Variants in LRRC8C observed in about 807,000 individuals in gnomAD.
LRRC8C encodes volume-regulated anion channel subunit LRRC8C.
Under a neutral mutation model 55.3 loss-of-function variants are expected in LRRC8C, and 20 were observed. That is an observed-to-expected ratio of 0.36 (90% confidence interval 0.25 to 0.53). LRRC8C has a LOEUF of 0.53. Among genes scored for constraint, LRRC8C ranks in the 20% least tolerant of loss-of-function variants. The probability of loss-of-function intolerance (pLI) is 0.92; values close to 1 mark genes in which losing one functional copy is unlikely to be tolerated. For missense variants in LRRC8C, 659 were observed against 951.4 expected, an observed-to-expected ratio of 0.69 and a Z score of 4.04; for synonymous variants, 376 against 360.7, an observed-to-expected ratio of 1.04 and a Z score of -0.48.
In LRRC8C at chr1:89,644,364, C is replaced by T. The variant is rs569618996; in HGVS notation, c.-5+11042C>T. ...TAATGTTTTGTATATTTAGTAGAGA[C>T]AGGGTTTTACCATGTTGCCTACACT... is the stretch of plus-strand genomic sequence containing the variant. On this transcript the variant is annotated intron_variant, in intron 1 of 2. Transcript: ENST00000370454. 7.9e-4 allele frequency among the ~76,000 whole-genome samples: 121 copies of T among 152,260 alleles called. 1 individual carries two copies. Among genetic ancestry groups the T allele is most frequent in the African/African-American group, 2.6e-3 (109 of 41,570 alleles).
chr1:89,707,216 G>A (rs892228644), intron 2 of LRRC8C, among the ~76,000 whole-genome samples: 1 of 151,950 alleles, frequency 6.6e-6, no homozygotes, highest in African/African-American at 2.4e-5. Flanking sequence ...AGACCAGCCT[G>A]GCCAATATAG....
chr1:89,645,160 G>T (rs1656576507), intron 1 of LRRC8C, among the ~76,000 whole-genome samples: 1 of 152,044 alleles, frequency 6.6e-6, no homozygotes, highest in Non-Finnish European at 1.5e-5. Flanking sequence ...TAGTCATAAT[G>T]AATTAACAGA....
intron 1 of LRRC8C, among the ~76,000 whole-genome samples, chr1:89,659,048 G>GTTTTTTTTTT (rs771955175): frequency 7.6e-5 from 2 of 26,224 alleles, no homozygotes; most frequent in African/African-American, 2.1e-4. Flanking sequence ...TCTTCTCCAG[G>GTTTTTTTTTT]TTTTTTTTTT....
intron 1 of LRRC8C, among the ~76,000 whole-genome samples, chr1:89,657,969 G>A (rs1656997452): frequency 6.6e-6 from 1 of 152,150 alleles, no homozygotes; most frequent in African/African-American, 2.4e-5. Context: ...GTGTATGACT[G>A]TGTGTAACTT....
intron 2 of LRRC8C, among the ~76,000 whole-genome samples, chr1:89,699,216 AG>A (rs1658252674): frequency 6.6e-6 from 1 of 152,216 alleles, no homozygotes; most frequent in African/African-American, 2.4e-5. Context: ...GTTGTTGCTT[AG>A]AAAGGACAAA....
At chr1:89,706,328 T>A (rs1221622618) in intron 2 of LRRC8C, 1 of 456,250 alleles carries the variant, frequency 2.2e-6, no homozygotes, top group South Asian at 1.5e-5. Context: ...TAAGTGGTTT[T>A]ATTTTGTTTT....
Position 89,714,625 on chromosome 1 carries a change from C to A in LRRC8C, c.2055C>A (p.Ile685=). ...LPSHLFLCNK[I]RYLDLSYNDI... ...CCCACCTCTTCCTATGCAACAAGAT[C>A]CGATACTTGGACTTATCGTACAATG... The change falls in exon 3 of 3, where the codon ATC becomes ATA. Residue 685 remains isoleucine, a synonymous_variant. Coordinates refer to ENST00000370454, the MANE Select transcript of LRRC8C (RefSeq NM_032270.5). This position sits in a 1 kb window ranked among gnomAD's most constrained non-coding sequence, Gnocchi z 4.6. 1 of 1,614,120 alleles carries A rather than the reference C, an allele frequency of 6.2e-7. No individual in the cohort carries two copies. Among genetic ancestry groups the A allele is most frequent in the East Asian group, 2.2e-5 (1 of 44,892 alleles).
chr1:89,685,221 C>T (rs1464930218), intron 1 of LRRC8C, among the ~76,000 whole-genome samples: 1 of 150,442 alleles, frequency 6.6e-6, no homozygotes, highest in African/African-American at 2.4e-5. Context: ...CGGGTTCACG[C>T]CATTCTCCTG....
At chr1:89,701,262 G>A (rs1438426588) in intron 2 of LRRC8C, among the ~76,000 whole-genome samples, 1 of 152,158 alleles carries the variant, frequency 6.6e-6, no homozygotes, top group African/African-American at 2.4e-5. Context: ...GGATCACGAG[G>A]TCAGGAGATT....
chr1:89,640,120 A>T (rs1656412852), intron 1 of LRRC8C, among the ~76,000 whole-genome samples: 1 of 152,230 alleles, frequency 6.6e-6, no homozygotes, highest in South Asian at 2.1e-4. Context: ...GCTAGAGTTC[A>T]GTGGCACAAT....
chr1:89,662,889 G>A (rs1028692251), intron 1 of LRRC8C, among the ~76,000 whole-genome samples: 2 of 151,964 alleles, frequency 1.3e-5, no homozygotes, highest in Non-Finnish European at 2.9e-5. Flanking sequence ...TTGTTACATA[G>A]GTATACACGT....
chr1:89,656,762 A>T (rs926525117), intron 1 of LRRC8C, among the ~76,000 whole-genome samples: 1 of 152,232 alleles, frequency 6.6e-6, no homozygotes, highest in African/African-American at 2.4e-5. Context: ...GATATAGTGG[A>T]ACATACAGTA....
intron 2 of LRRC8C, among the ~76,000 whole-genome samples, chr1:89,698,278 A>G (rs1241590994): frequency 1.3e-5 from 2 of 152,204 alleles, no homozygotes; most frequent in African/African-American, 4.8e-5. Flanking sequence ...ATCTGAATAT[A>G]TGAATGCATA....
At chr1:89,654,032 CA>C (rs1656866197) in intron 1 of LRRC8C, among the ~76,000 whole-genome samples, 1 of 151,978 alleles carries the variant, frequency 6.6e-6, no homozygotes, top group South Asian at 2.1e-4. Flanking sequence ...TATATATACA[CA>C]ATGGAATATT....
chr1:89,680,336 C>T lies in LRRC8C; in HGVS notation c.-4-6134C>T, dbSNP rs866891423. Among the ~76,000 whole-genome samples, 16 of 152,086 alleles carry T rather than the reference C, an allele frequency of 1.1e-4. 1 individual carries two copies. The highest frequency in any genetic ancestry group is 6.3e-3 in the Middle Eastern group (2 of 316). On this transcript the variant is annotated intron_variant, in intron 1 of 2. Coordinates refer to ENST00000370454, the MANE Select transcript of LRRC8C (RefSeq NM_032270.5). ...TTGTGATCCGCCCACCTCGGCCTCC[C>T]AAAGTGCTGGGATTACAGGCGTGAG...
rs564500432 is a variant in LRRC8C, at chr1:89,652,101, TAAAAG to T, written c.-5+18785_-5+18789del. 1.7e-3 allele frequency among the ~76,000 whole-genome samples: 265 copies of T among 152,284 alleles called. 2 individuals carry two copies. Among genetic ancestry groups the T allele is most frequent in the Non-Finnish European group, 3.2e-3 (217 of 68,008 alleles). ...CATACACTGGAGTGCTGGGGTGCAG[TAAAAG>T]AAAAGTAAAACTGTAGGAATCTTTT... On this transcript the variant is annotated intron_variant, in intron 1 of 2. Transcript: ENST00000370454.
chr1:89,711,980 C>A (rs538967482), intron 2 of LRRC8C, among the ~76,000 whole-genome samples: 2 of 152,110 alleles, frequency 1.3e-5, no homozygotes, highest in Non-Finnish European at 2.9e-5. Context: ...TTTCATAGTT[C>A]CTCCTTCTTA....
intron 1 of LRRC8C, among the ~76,000 whole-genome samples, chr1:89,681,025 C>G (rs1237480877): frequency 6.6e-6 from 1 of 151,966 alleles, no homozygotes; most frequent in African/African-American, 2.4e-5. Flanking sequence ...AATTAAAATC[C>G]TTTGTAGCAA....
At position 89,718,646 on chromosome 1, in the gene LRRC8C, G is replaced by A. The variant is rs1658891095; in HGVS notation, c.*3664G>A. 6.6e-6 allele frequency: 1 copy of A among 152,138 alleles called. No individual in the cohort carries two copies. Among genetic ancestry groups the A allele is most frequent in the Non-Finnish European group, 1.5e-5 (1 of 67,998 alleles). 9.4% of individuals were successfully genotyped at this position (152,138 alleles called of 1,614,324 possible). On this transcript the variant is annotated 3_prime_UTR_variant, in exon 3 of 3. Coordinates refer to ENST00000370454, the MANE Select transcript of LRRC8C (RefSeq NM_032270.5). Reference sequence around the variant, plus strand: ...GCAAAGATTCCTAATCCATCATTATGAAAAGTGTCAGCATACTTAGTAGTG... The same window carrying A: ...GCAAAGATTCCTAATCCATCATTATAAAAAGTGTCAGCATACTTAGTAGTG...
Sources: allele counts gnomAD v4.1 joint callset (sites outside exome capture counted in the v4.1 genomes callset), GRCh38; gene constraint gnomAD v4.1.1; non-coding constraint Gnocchi (gnomAD v3.1); transcripts MANE v1.5; gene names NCBI Gene and HGNC (gene_info 2026-07-23, HGNC 2026-07-21).